SGCD: variants seen among roughly 807,000 people sequenced by gnomAD.
SGCD encodes the protein sarcoglycan delta, also known as delta-sarcoglycan.
In SGCD, 18 loss-of-function variants were observed where a neutral mutation model predicts 36.6. The ratio of observed to expected loss-of-function variants is 0.49; its 90% confidence interval spans 0.34 to 0.73. SGCD has a LOEUF of 0.73. SGCD is among the 30% of genes least tolerant of loss of function. The pLI is 0.01. For synonymous variants in SGCD, 133 were observed against 130.6 expected, an observed-to-expected ratio of 1.02 and a Z score of -0.12; for missense variants, 387 against 346.7, an observed-to-expected ratio of 1.12 and a Z score of -0.92.
chr5:156,190,678 CTAAG>C (rs976949826), intron 3 of SGCD, among the ~76,000 whole-genome samples: 6 of 151,976 alleles, frequency 3.9e-5, no homozygotes, highest in Admixed American at 6.6e-5. Flanking sequence ...ATCGTAATTA[CTAAG>C]TAAGTTGTAT....
At chr5:156,745,153 A>ACCC (rs540823881) in intron 7 of SGCD, among the ~76,000 whole-genome samples, 36 of 150,884 alleles carry the variant, frequency 2.4e-4, no homozygotes, top group Non-Finnish European at 4.6e-4. Flanking sequence ...TGAAACTGGG[A>ACCC]CCCCCCCAGT....
Position 156,368,298 on chromosome 5 carries a change from G to A in SGCD, c.192+23621G>A, listed in dbSNP as rs151083425. On this transcript the variant is annotated intron_variant, in intron 3 of 8. Coordinates refer to ENST00000337851, the MANE Select transcript of SGCD (RefSeq NM_000337.6). ...AGTAGCGACCGAGTTTCACCATCTT[G>A]GCCAGGCTGATCTTGAACTCCTGAC... Among the ~76,000 whole-genome samples, 333 of 151,870 alleles carry A rather than the reference G, an allele frequency of 2.2e-3. 3 individuals are homozygous for A. Among genetic ancestry groups the A allele is most frequent in the African/African-American group, 7.5e-3 (311 of 41,414 alleles).
Position 156,643,017 on chromosome 5 carries a change from G to T in SGCD, c.503-4447G>T, listed in dbSNP as rs377662865. 2.1e-3 allele frequency among the ~76,000 whole-genome samples: 271 copies of T among 127,668 alleles called. 1 individual carries two copies. The highest frequency in any genetic ancestry group is 6.3e-3 in the African/African-American group (212 of 33,694). 83.8% of individuals were successfully genotyped at this position (127,668 alleles called of 152,430 possible). A position where few individuals can be genotyped will look rare whatever the true frequency, so the allele number is the denominator to read the frequency against. On this transcript the variant is annotated intron_variant, in intron 6 of 8. Coordinates refer to ENST00000337851, the MANE Select transcript of SGCD (RefSeq NM_000337.6). ...GATTAATTACTAGGTTTTTTGGGGG[G>T]TTTTTTGTTTTTTTTTTTGTTTGTT...
At chr5:155,896,973 T>C (rs578167949) in intron 1 of SGCD, among the ~76,000 whole-genome samples, 1 of 152,346 alleles carries the variant, frequency 6.6e-6, no homozygotes, top group African/African-American at 2.4e-5. Context: ...AAACCACTTA[T>C]TGGCATTCAG....
intron 3 of SGCD, among the ~76,000 whole-genome samples, chr5:156,266,082 A>C (rs1203583040): frequency 3.3e-5 from 5 of 152,254 alleles, no homozygotes; most frequent in Non-Finnish European, 7.3e-5. Context: ...TTAGTGTTTG[A>C]TATGGATAAA....
the SGCD span, among the ~76,000 whole-genome samples, chr5:155,849,720 A>G: frequency 2.0e-5 from 3 of 152,200 alleles, no homozygotes; most frequent in Admixed American, 1.3e-4. Context: ...TAAAATGACA[A>G]TGGATTCTGT....
rs373873716 is a variant in SGCD, at chr5:156,765,756, A to G, written c.*6366A>G. ...CTAGAAAATGGCAGAGCTGGAATGT[A>G]GGTTTAACTCCTGACCACTATGCTA... On this transcript the variant is annotated 3_prime_UTR_variant, in exon 9 of 9. Coordinates refer to ENST00000337851, the MANE Select transcript of SGCD (RefSeq NM_000337.6). 2 of 152,312 alleles carry G rather than the reference A, an allele frequency of 1.3e-5. No homozygotes were observed. Among genetic ancestry groups the G allele is most frequent in the East Asian group, 3.9e-4 (2 of 5,176 alleles). 9.4% of individuals were successfully genotyped at this position (152,312 alleles called of 1,614,324 possible). A position where few individuals can be genotyped will look rare whatever the true frequency, so the allele number is the denominator to read the frequency against.
chr5:155,763,848 C>T, the SGCD span, among the ~76,000 whole-genome samples: 54 of 142,942 alleles, frequency 3.8e-4, no homozygotes, highest in African/African-American at 1.4e-3. Context: ...TTCTTTCCCC[C>T]CTTCAATTAT....
At chr5:156,646,945 A>G (rs1185308343) in intron 6 of SGCD, among the ~76,000 whole-genome samples, 2 of 152,140 alleles carry the variant, frequency 1.3e-5, no homozygotes, top group Non-Finnish European at 2.9e-5. Context: ...ATAGTGTTCT[A>G]TTTTGCTTAA....
intron 3 of SGCD, among the ~76,000 whole-genome samples, chr5:156,315,752 T>C (rs1014922767): frequency 2.0e-5 from 3 of 152,124 alleles, no homozygotes; most frequent in Admixed American, 6.5e-5. Context: ...ATAGTAGCCA[T>C]CCTAACAGAT....
intron 1 of SGCD, among the ~76,000 whole-genome samples, chr5:156,072,016 A>T (rs143063349): frequency 5.9e-5 from 9 of 152,066 alleles, no homozygotes; most frequent in Non-Finnish European, 1.0e-4. Context: ...TTTTGTGCCT[A>T]TGTGCGTCTC....
chr5:156,346,799 AT>A (rs1319392760), intron 3 of SGCD, among the ~76,000 whole-genome samples: 1 of 148,032 alleles, frequency 6.8e-6, no homozygotes, highest in African/African-American at 2.5e-5. Flanking sequence ...TATTTTTTTT[AT>A]TTTTTTATTT....
chr5:156,622,028 G>A (rs1002046805), intron 6 of SGCD, among the ~76,000 whole-genome samples: 6 of 152,198 alleles, frequency 3.9e-5, no homozygotes, highest in South Asian at 2.1e-4. Flanking sequence ...TCTGAAACCT[G>A]TATTTTGGTT....
intron 1 of SGCD, among the ~76,000 whole-genome samples, chr5:155,953,628 T>C (rs946818549): frequency 6.6e-6 from 1 of 152,174 alleles, no homozygotes; most frequent in African/African-American, 2.4e-5. Context: ...AAAGTACCAA[T>C]TGTATATTGC....
intron 3 of SGCD, among the ~76,000 whole-genome samples, chr5:156,268,939 C>T (rs1471017694): frequency 4.0e-5 from 6 of 151,322 alleles, no homozygotes; most frequent in Non-Finnish European, 8.8e-5. Flanking sequence ...CTTTTTTTTT[C>T]GTATGTATAT....
chr5:156,156,370 T>A (rs1762964017), intron 3 of SGCD, among the ~76,000 whole-genome samples: 1 of 151,592 alleles, frequency 6.6e-6, no homozygotes, highest in Non-Finnish European at 1.5e-5. Flanking sequence ...GGCTCACACC[T>A]GTAATCCCAG....
At position 156,279,797 on chromosome 5, in the gene SGCD, G is replaced by A. The variant is rs186572502; in HGVS notation, c.-43-49737G>A. ...CTTTCTACATGACTCCCCTACACAT[G>A]GAAATCTCCAGGAAGCTACACAGAG... On this transcript the variant is annotated intron_variant, in intron 3 of 9. Transcript: ENST00000517913. Among the ~76,000 whole-genome samples, 401 of 152,120 alleles carry A rather than the reference G, an allele frequency of 2.6e-3. 1 individual carries two copies. Among genetic ancestry groups the A allele is most frequent in the African/African-American group, 9.1e-3 (377 of 41,504 alleles).
chr5:155,855,318 C>T, the SGCD span, among the ~76,000 whole-genome samples: 1 of 152,184 alleles, frequency 6.6e-6, no homozygotes, highest in Non-Finnish European at 1.5e-5. Context: ...TTGCAAGATT[C>T]TACACCAGCA....
chr5:156,636,495 T>C (rs1341533222), intron 6 of SGCD, among the ~76,000 whole-genome samples: 2 of 152,098 alleles, frequency 1.3e-5, no homozygotes, highest in Non-Finnish European at 2.9e-5. Context: ...AAATACATGC[T>C]CATCCAAGAC....
Sources: allele counts gnomAD v4.1 joint callset (sites outside exome capture counted in the v4.1 genomes callset), GRCh38; gene constraint gnomAD v4.1.1; transcripts MANE v1.5; gene names NCBI Gene and HGNC (gene_info 2026-07-23, HGNC 2026-07-21).